Variants in FAM186A observed in about 807,000 individuals in gnomAD.
The protein encoded by FAM186A is family with sequence similarity 186 member A, also known as protein FAM186A.
A neutral mutation model predicts 216.8 loss-of-function variants in FAM186A; 163 were observed. The ratio of observed to expected loss-of-function variants is 0.75; its 90% CI spans 0.66 to 0.86. The LOEUF (loss-of-function observed/expected upper bound fraction) is 0.86, where lower values mean the gene tolerates loss of function less well. Among genes scored for constraint, FAM186A ranks in the 40% least tolerant of loss-of-function variants. The pLI, the probability that FAM186A is intolerant of heterozygous loss-of-function variation, is 0.00. For missense variants in FAM186A, 2,184 were observed against 2,746.2 expected (o/e 0.80, Z 4.58); for synonymous variants, 805 against 1,025.3 (o/e 0.79, Z 4.10).
chr12:50,344,835 A>G (rs1942797125), intron 4 of FAM186A, among the ~76,000 whole-genome samples: 1 of 152,190 alleles, frequency 6.6e-6, no homozygotes, highest in Non-Finnish European at 1.5e-5. Context: ...TTAGCCAGGC[A>G]TGATGGCATA....
intron 1 of FAM186A, among the ~76,000 whole-genome samples, chr12:50,387,742 A>G (rs1943317483): frequency 6.6e-6 from 1 of 152,172 alleles, no homozygotes; most frequent in Non-Finnish European, 1.5e-5. Context: ...AGAGAAGGAA[A>G]GATGGAATCG....
chr12:50,345,834 C>G (rs1046253336), intron 4 of FAM186A, among the ~76,000 whole-genome samples: 13 of 151,846 alleles, frequency 8.6e-5, no homozygotes, highest in Non-Finnish European at 1.5e-5. Flanking sequence ...GCTATTTGGG[C>G]TCTTTTTTGG....
intron 4 of FAM186A, among the ~76,000 whole-genome samples, chr12:50,337,082 T>G (rs1942715891): frequency 6.6e-6 from 1 of 151,390 alleles, no homozygotes; most frequent in Admixed American, 6.6e-5. Flanking sequence ...ATTATTATAT[T>G]TGTATTTAAT....
At chr12:50,366,723 A>G (rs1361553059) in intron 1 of FAM186A, among the ~76,000 whole-genome samples, 1 of 147,250 alleles carries the variant, frequency 6.8e-6, no homozygotes, top group East Asian at 2.0e-4. Flanking sequence ...AAAAAAAAAT[A>G]CACAAGAGGC....
chr12:50,395,344 C>A (rs1392979505), intron 1 of FAM186A, among the ~76,000 whole-genome samples: 1 of 152,156 alleles, frequency 6.6e-6, no homozygotes, highest in Non-Finnish European at 1.5e-5. Context: ...CTGCCTTGGC[C>A]TCCCAAAGCA....
intron 4 of FAM186A, among the ~76,000 whole-genome samples, chr12:50,341,284 A>G (rs1168176893): frequency 6.6e-6 from 1 of 152,192 alleles, no homozygotes; most frequent in Non-Finnish European, 1.5e-5. Context: ...TACATATAAT[A>G]TTAGAATCTT....
chr12:50,396,571 G>A lies in FAM186A; in HGVS notation c.-87C>T. ...ATAAAGATATCCAGTAGGAAGCTAG[G>A]AGAGGTCTTTCCTGATCCTAGAAGT... is the stretch of plus-strand genomic sequence containing the variant. On this transcript the variant is annotated 5_prime_UTR_variant, in exon 1 of 8. Transcript: ENST00000327337. 2.3e-6 allele frequency: 3 copies of A among 1,322,708 alleles called. No individual in the cohort carries two copies. The South Asian group carries it at 4.6e-5, about 20-fold the overall frequency. The allele number at this position is 1,322,708 out of a possible 1,614,324, so 81.9% of individuals were successfully genotyped here.
Position 50,353,825 on chromosome 12 carries a change from T to C in FAM186A, c.3007A>G (p.Ile1003Val). 2 of 1,551,710 alleles carry C rather than the reference T, an allele frequency of 1.3e-6. No individual in the cohort carries two copies. The highest frequency in any genetic ancestry group is 1.7e-6 in the Non-Finnish European group (2 of 1,146,968). ...TQPKELEKMV[I>V]QTPMTLSPRW... ...GGAGATAATGTCATTGGAGTTTGGA[T>C]GACCATTTTTTCTAGCTCTTTAGGT... Residue 1003 changes from isoleucine to valine, a missense_variant, in exon 4 of 8, where the codon ATC (isoleucine) becomes GTC (valine). Ile to Val is a conservative substitution (Grantham distance 29). Coordinates refer to ENST00000327337, the MANE Select transcript of FAM186A (RefSeq NM_001145475.3).
At chr12:50,334,208 T>C in intron 4 of FAM186A, 105 bp from the exon 5 acceptor site, 1 of 1,022,084 alleles carries the variant, frequency 9.8e-7, no homozygotes, top group Non-Finnish European at 1.4e-6. Context: ...TTCGATCTTG[T>C]TGCCCAGGCT....
intron 1 of FAM186A, among the ~76,000 whole-genome samples, chr12:50,366,458 C>T (rs140767009): frequency 8.2e-4 from 125 of 151,994 alleles, no homozygotes; most frequent in African/African-American, 2.7e-3. Flanking sequence ...TACAAACATG[C>T]CTGATGAATA....
intron 2 of FAM186A, among the ~76,000 whole-genome samples, chr12:50,361,673 C>T (rs766939437): frequency 1.3e-5 from 2 of 148,518 alleles, no homozygotes; most frequent in African/African-American, 2.5e-5. Flanking sequence ...CAGGTTCAAG[C>T]GATTCTCCTG....
intron 3 of FAM186A, among the ~76,000 whole-genome samples, chr12:50,360,011 G>A (rs1261177048): frequency 1.3e-5 from 2 of 152,104 alleles, no homozygotes; most frequent in Admixed American, 6.6e-5. Flanking sequence ...GGAGGCCAAG[G>A]CTGGTGGATC....
At chr12:50,385,672 G>A (rs1943296199) in intron 1 of FAM186A, among the ~76,000 whole-genome samples, 1 of 151,824 alleles carries the variant, frequency 6.6e-6, no homozygotes, top group Admixed American at 6.6e-5. Context: ...AGGCCGAGGT[G>A]GGTGGATCAC....
At chr12:50,390,770 T>C (rs542442256) in intron 1 of FAM186A, among the ~76,000 whole-genome samples, 1 of 152,238 alleles carries the variant, frequency 6.6e-6, no homozygotes, top group South Asian at 2.1e-4. Flanking sequence ...TTTTTTCTCA[T>C]ACTATTGGTG....
At chr12:50,330,448 TA>T in intron 7 of FAM186A, 124 bp downstream of exon 7, 1 of 963,572 alleles carries the variant, frequency 1.0e-6, no homozygotes, top group Non-Finnish European at 1.5e-6. Flanking sequence ...GGTGTGAGTC[TA>T]ACCTCATACC....
intron 1 of FAM186A, among the ~76,000 whole-genome samples, chr12:50,388,367 G>A (rs1422105664): frequency 6.6e-6 from 1 of 152,006 alleles, no homozygotes; most frequent in Non-Finnish European, 1.5e-5. Flanking sequence ...ACCTGTAATC[G>A]CACACTTTGG....
In FAM186A at chr12:50,353,838, T is replaced by C. The variant is rs1316950590; in HGVS notation, c.2994A>G (p.Leu998=). Residue 998 remains leucine (L), a synonymous_variant, in exon 4 of 8, where the codon CTA becomes CTG. Transcript: ENST00000327337. ...MQMKETQPKE[L]EKMVIQTPMT... is the part of the protein sequence containing the mutation. ...TTGGAGTTTGGATGACCATTTTTTC[T>C]AGCTCTTTAGGTTGTGTTTCCTTCA... 9 of 1,551,644 alleles carry C rather than the reference T, an allele frequency of 5.8e-6. No homozygotes were observed. The highest frequency in any genetic ancestry group is 7.8e-6 in the Non-Finnish European group (9 of 1,146,984).
intron 7 of FAM186A, 78 bp from the exon 8 acceptor site, chr12:50,327,482 G>T: frequency 2.0e-6 from 2 of 1,010,144 alleles, no homozygotes; most frequent in Non-Finnish European, 2.9e-6. Flanking sequence ...GAGTCATAGG[G>T]AAAATAAAAG....
Position 50,364,626 on chromosome 12 carries a change from G to C in FAM186A, c.193-1262C>G, listed in dbSNP as rs1592620194. Reference sequence around the variant, plus strand: ...AATATAAAATATAAACACAGACCAAGAGCAGTGTCTCACGCCTGTAATCCA... The same window carrying C: ...AATATAAAATATAAACACAGACCAACAGCAGTGTCTCACGCCTGTAATCCA... On this transcript the variant is annotated intron_variant, in intron 1 of 7. Coordinates refer to ENST00000327337, the MANE Select transcript of FAM186A (RefSeq NM_001145475.3). Among the ~76,000 whole-genome samples, 4 of 151,652 alleles carry C rather than the reference G, an allele frequency of 2.6e-5. No individual in the cohort carries two copies. The East Asian group carries it at 7.7e-4, about 29-fold the overall frequency.
Sources: gnomAD v4.1 joint callset for allele counts (sites outside exome capture counted in the v4.1 genomes callset) on GRCh38, gnomAD v4.1.1 for gene constraint, MANE v1.5 for transcripts, NCBI Gene and HGNC (gene_info 2026-07-23, HGNC 2026-07-21) for gene names.